UNC5B: variants seen among roughly 807,000 people sequenced by gnomAD.
UNC5B encodes unc-5 netrin receptor B.
Under a neutral mutation model 103.7 loss-of-function variants are expected in UNC5B, and 56 were observed. The ratio of observed to expected loss-of-function variants is 0.54; its 90% CI spans 0.44 to 0.67. The LOEUF is 0.67. Among genes scored for constraint, UNC5B ranks in the 30% least tolerant of loss-of-function variants. The probability of loss-of-function intolerance (pLI) is 0.00; values close to 1 mark genes in which losing one functional copy is unlikely to be tolerated. For synonymous variants in UNC5B, 577 were observed against 542.0 expected, an observed-to-expected ratio of 1.06 and a Z score of -0.90; for missense variants, 1,194 against 1,284.5, an observed-to-expected ratio of 0.93 and a Z score of 1.08.
chr10:71,299,170 G>A lies in UNC5B; in HGVS notation c.2731G>A (p.Glu911Lys). ...SPTGVILDLW[E>K]ALQQDDGDLN... Reference sequence around the variant, plus strand: ...CACGGGTGTGATCCTGGACCTCTGGGAAGCTCTGCAGCAGGACGATGGGGA... The same window carrying A: ...CACGGGTGTGATCCTGGACCTCTGGAAAGCTCTGCAGCAGGACGATGGGGA... Residue 911 changes from glutamate to lysine, a missense_variant, in exon 17 of 17, where the codon GAA (glutamate) becomes AAA (lysine). Glu to Lys is a moderately conservative substitution (Grantham distance 56). Transcript: ENST00000335350. 6.2e-7 allele frequency: 1 copy of A among 1,614,242 alleles called. No homozygotes were observed. Among genetic ancestry groups the A allele is most frequent in the Non-Finnish European group, 8.5e-7 (1 of 1,180,040 alleles).
Position 71,293,553 on chromosome 10 carries a change from G to T in UNC5B, c.1921G>T (p.Ala641Ser). The change falls in exon 12 of 17, where the codon GCC (alanine) becomes TCC (serine). Residue 641 changes from alanine (A) to serine (S), a missense_variant. Ala to Ser is a moderately conservative substitution (Grantham distance 99). Transcript: ENST00000335350. ...CTGGATCTTTCAGCTCAAGACCCAG[G>T]CCCACCAGGGCCACTGGGAGGTGAG... ...RDWIFQLKTQ[A>S]HQGHWEEVVT... The T allele has an allele frequency of 6.2e-7, 1 of 1,613,836 alleles. No homozygotes were observed. The highest frequency in any genetic ancestry group is 8.5e-7 in the Non-Finnish European group (1 of 1,180,008).
intron 2 of UNC5B, among the ~76,000 whole-genome samples, chr10:71,281,757 C>T (rs994835394): frequency 2.0e-5 from 3 of 152,252 alleles, no homozygotes; most frequent in Admixed American, 1.3e-4. Flanking sequence ...TTCTTCTCTT[C>T]GTAAACTGGG....
chr10:71,213,040 T>G lies in UNC5B; in HGVS notation c.55T>G (p.Trp19Gly). The G allele has an allele frequency of 7.1e-7, 1 of 1,416,184 alleles. No individual in the cohort carries two copies. The highest frequency in any genetic ancestry group is 1.5e-5 in the African/African-American group (1 of 68,338). The allele number at this position is 1,416,184 out of a possible 1,614,324, so 87.7% of individuals were successfully genotyped here. A position where few individuals can be genotyped will look rare whatever the true frequency, so the allele number is the denominator to read the frequency against. ...GALLLALLLC[W>G]DPRLSQAGTD... ...GCTGCTGCTGGCACTGCTGCTCTGC[T>G]GGGACCCGAGGCTGAGCCAAGCAGG... Residue 19 changes from tryptophan to glycine, a missense_variant, in exon 1 of 17, where the codon TGG (tryptophan) becomes GGG (glycine). Trp to Gly is a radical substitution (Grantham distance 184, BLOSUM62 -2). Transcript: ENST00000335350. The surrounding 1 kb of genome is among the most constrained non-coding windows in gnomAD (Gnocchi z 4.1).
chr10:71,256,686 C>A (rs1844297729), intron 1 of UNC5B, among the ~76,000 whole-genome samples: 1 of 152,232 alleles, frequency 6.6e-6, no homozygotes, highest in Non-Finnish European at 1.5e-5. Flanking sequence ...AAGAGGTGGG[C>A]CAGGAGCCCA....
In UNC5B at chr10:71,299,417, ACC is replaced by A; in HGVS notation, c.*144_*145del. The stretch of plus-strand genomic sequence containing the variant: ...TTGCCTCTCCTCCTCCTCTTCCCCA[ACC>A]CCCAGACCATGACCAGCCTTAGAAA... On this transcript the variant is annotated 3_prime_UTR_variant, in exon 17 of 17. Transcript: ENST00000335350. The A allele has an allele frequency of 9.9e-7, 1 of 1,011,654 alleles. No homozygotes were observed. Among genetic ancestry groups the A allele is most frequent in the Non-Finnish European group, 1.4e-6 (1 of 695,004 alleles). The allele number at this position is 1,011,654 out of a possible 1,614,324, so 62.7% of individuals were successfully genotyped here.
intron 1 of UNC5B, among the ~76,000 whole-genome samples, chr10:71,218,624 G>A (rs933976463): frequency 1.3e-5 from 2 of 152,210 alleles, no homozygotes; most frequent in Non-Finnish European, 2.9e-5. Context: ...TGGCAGAGAT[G>A]GACCCTAAGC....
chr10:71,276,729 C>T (rs368935890), intron 1 of UNC5B, among the ~76,000 whole-genome samples: 2 of 152,232 alleles, frequency 1.3e-5, no homozygotes, highest in Non-Finnish European at 2.9e-5. Context: ...CCACTGCGCC[C>T]GGCCTACTCC....
intron 1 of UNC5B, among the ~76,000 whole-genome samples, chr10:71,248,867 T>A (rs10999747): frequency 0.086 from 2,289 of 26,566 alleles, 59 homozygotes; most frequent in East Asian, 0.31. Flanking sequence ...TCTCTCTCTC[T>A]CACACACACA....
chr10:71,229,224 T>C (rs1050227008), intron 1 of UNC5B, among the ~76,000 whole-genome samples: 24 of 152,192 alleles, frequency 1.6e-4, no homozygotes, highest in Non-Finnish European at 8.8e-5. Context: ...ATTTTAAGGA[T>C]TGGTCAGAGA....
At position 71,223,647 on chromosome 10, in the gene UNC5B, G is replaced by A. The variant is rs533710372; in HGVS notation, c.79+10583G>A. Reference sequence around the variant, plus strand: ...GAAAGTAGACTGGCAGACACTTGCTGGGCTGGTAAATTTTGTACTTATCTG... The same window carrying A: ...GAAAGTAGACTGGCAGACACTTGCTAGGCTGGTAAATTTTGTACTTATCTG... On this transcript the variant is annotated intron_variant, in intron 1 of 16. Transcript: ENST00000335350. Among the ~76,000 whole-genome samples the A allele has an allele frequency of 7.2e-5, 11 of 152,238 alleles. No homozygotes were observed. In the South Asian group the frequency reaches 1.9e-3, roughly 26 times the overall value.
chr10:71,279,324 G>A (rs553743969), intron 1 of UNC5B, among the ~76,000 whole-genome samples: 63 of 152,286 alleles, frequency 4.1e-4, no homozygotes, highest in Non-Finnish European at 6.6e-4. Context: ...CTCCTGTCCC[G>A]CTTGCCAGCC....
At chr10:71,264,425 G>T (rs1844479857) in intron 1 of UNC5B, among the ~76,000 whole-genome samples, 1 of 152,214 alleles carries the variant, frequency 6.6e-6, no homozygotes, top group Non-Finnish European at 1.5e-5. Flanking sequence ...GAGGCCCAGA[G>T]AGGCGAATTT....
chr10:71,244,490 AAG>A, intron 1 of UNC5B, among the ~76,000 whole-genome samples: 1 of 152,364 alleles, frequency 6.6e-6, no homozygotes, highest in Middle Eastern at 3.4e-3. Flanking sequence ...AGCCAGGCAG[AAG>A]AGTCATATCC....
chr10:71,269,351 C>CCCG (rs1411845347), intron 1 of UNC5B, among the ~76,000 whole-genome samples: 1 of 145,712 alleles, frequency 6.9e-6, no homozygotes, highest in Admixed American at 6.9e-5. Context: ...AGTCCCCCCC[C>CCCG]CACAACTTCT....
At chr10:71,292,998 G>T (rs530405846) in intron 11 of UNC5B, among the ~76,000 whole-genome samples, 3 of 152,158 alleles carry the variant, frequency 2.0e-5, no homozygotes, top group Non-Finnish European at 4.4e-5. Flanking sequence ...TAAGGAATTT[G>T]CAAGGACCTT....
intron 1 of UNC5B, among the ~76,000 whole-genome samples, chr10:71,261,167 G>A (rs1040213276): frequency 3.3e-5 from 5 of 152,182 alleles, no homozygotes; most frequent in African/African-American, 4.8e-5. Context: ...CAGTTCTTTA[G>A]GCAAGTCACC....
intron 8 of UNC5B, 45 bp from the exon 9 acceptor site, chr10:71,290,870 G>C: frequency 6.4e-7 from 1 of 1,567,046 alleles, no homozygotes. Context: ...ATTGCCCCAG[G>C]GCCTGGTCTC....
At chr10:71,287,480 G>A in intron 5 of UNC5B, 118 bp from the exon 6 acceptor site, 2 of 1,274,316 alleles carry the variant, frequency 1.6e-6, no homozygotes, top group Non-Finnish European at 2.1e-6. Context: ...AGGCAAAAGG[G>A]GTCTCACTAG....
intron 1 of UNC5B, among the ~76,000 whole-genome samples, chr10:71,220,311 C>T (rs1194489376): frequency 1.3e-5 from 2 of 152,202 alleles, no homozygotes; most frequent in African/African-American, 4.8e-5. Flanking sequence ...TATCTCCCTA[C>T]TTTCTGCCCT....
Sources: gnomAD v4.1 joint callset for allele counts (sites outside exome capture counted in the v4.1 genomes callset) on GRCh38, gnomAD v4.1.1 for gene constraint, Gnocchi (gnomAD v3.1) non-coding constraint, MANE v1.5 for transcripts, NCBI Gene and HGNC (gene_info 2026-07-23, HGNC 2026-07-21) for gene names.